Variants in CAST observed in about 807,000 individuals in gnomAD.
CAST encodes the protein MIR583 host.
Under a neutral mutation model 119.6 loss-of-function variants are expected in CAST, and 76 were observed. That is an observed-to-expected ratio of 0.64 (90% CI 0.53 to 0.77). CAST has a LOEUF of 0.77. Among genes scored for constraint, CAST ranks in the 30% least tolerant of loss-of-function variants. The probability of loss-of-function intolerance (pLI) is 0.00; values close to 1 mark genes in which losing one functional copy is unlikely to be tolerated. For synonymous variants in CAST, 319 were observed against 331.6 expected, an observed-to-expected ratio of 0.96 and a Z score of 0.41; for missense variants, 953 against 946.5, an observed-to-expected ratio of 1.01 and a Z score of -0.09.
At chr5:96,341,343 C>T in the CAST span, among the ~76,000 whole-genome samples, 1 of 148,812 alleles carries the variant, frequency 6.7e-6, no homozygotes, top group East Asian at 2.0e-4. Flanking sequence ...CCCTCCACCC[C>T]ACCCCTCCAC....
chr5:96,729,500 T>C (rs1275460769), intron 7 of CAST, 112 bp from the exon 8 acceptor site: 13 of 648,182 alleles, frequency 2.0e-5, no homozygotes, highest in African/African-American at 3.7e-5. Context: ...ACAGCACAAC[T>C]GTTATGAACA....
At chr5:96,326,660 T>G in the CAST span, among the ~76,000 whole-genome samples, 2 of 150,948 alleles carry the variant, frequency 1.3e-5, no homozygotes, top group Non-Finnish European at 1.5e-5. Context: ...CCTTTAAAAA[T>G]GTAAATTACT....
At chr5:96,768,646 T>C (rs550371866) in intron 29 of CAST, among the ~76,000 whole-genome samples, 1 of 152,352 alleles carries the variant, frequency 6.6e-6, no homozygotes, top group Non-Finnish European at 1.5e-5. Context: ...GCCACAATAA[T>C]GCTATGTCTG....
the CAST span, among the ~76,000 whole-genome samples, chr5:96,070,602 A>C: frequency 6.6e-6 from 1 of 152,202 alleles, no homozygotes; most frequent in African/African-American, 2.4e-5. Context: ...GTTGTGACCA[A>C]GGCAAGGAAA....
intron 21 of CAST, 90 bp from the exon 22 acceptor site, chr5:96,754,568 A>T: frequency 1.3e-6 from 1 of 778,260 alleles, no homozygotes; most frequent in African/African-American, 1.7e-5. Context: ...CTAATGATAG[A>T]TTTGTTTACC....
upstream of CAST, among the ~76,000 whole-genome samples, chr5:96,520,458 T>C (rs1209610506): frequency 6.6e-6 from 1 of 152,212 alleles, no homozygotes; most frequent in African/African-American, 2.4e-5. Flanking sequence ...CCAAAAGGAA[T>C]GCTTCACCTC....
the CAST span, among the ~76,000 whole-genome samples, chr5:96,003,638 C>G: frequency 6.6e-6 from 1 of 151,532 alleles, no homozygotes. Flanking sequence ...TTACAAGTAT[C>G]TTAGTTGACA....
intron 1 of CAST, among the ~76,000 whole-genome samples, chr5:96,553,520 C>T (rs980140665): frequency 9.2e-5 from 14 of 152,198 alleles, no homozygotes; most frequent in Admixed American, 2.0e-4. Flanking sequence ...TCTCTCACCA[C>T]TCCTATTCAA....
chr5:96,161,315 A>G, the CAST span, among the ~76,000 whole-genome samples: 2 of 152,122 alleles, frequency 1.3e-5, no homozygotes, highest in African/African-American at 2.4e-5. Context: ...GTCCAACTTC[A>G]TTCTTTTACA....
intron 20 of CAST, among the ~76,000 whole-genome samples, chr5:96,751,582 T>C (rs1765059634): frequency 6.6e-6 from 1 of 152,170 alleles, no homozygotes; most frequent in Non-Finnish European, 1.5e-5. Context: ...CAGGGTACTC[T>C]TCAGGTACTT....
At chr5:95,972,523 T>C in the CAST span, among the ~76,000 whole-genome samples, 1 of 152,156 alleles carries the variant, frequency 6.6e-6, no homozygotes, top group East Asian at 1.9e-4. Flanking sequence ...CATTAGTATA[T>C]ATTTTTTGTT....
intron 1 of CAST, among the ~76,000 whole-genome samples, chr5:96,637,613 C>T (rs1747902519): frequency 6.6e-6 from 1 of 152,192 alleles, no homozygotes; most frequent in Non-Finnish European, 1.5e-5. Flanking sequence ...AGATTGCTAT[C>T]ATGTTACCAA....
Position 96,590,939 on chromosome 5 carries a change from A to G in CAST, c.60+61059A>G, listed in dbSNP as rs553566618. On this transcript the variant is annotated intron_variant, in intron 1 of 11. Transcript: ENST00000505143. ...ATGCATAGAATTGTTCCACAGTTAA[A>G]CCTTTAGCAATGGCAACAGAAGGAT... Among the ~76,000 whole-genome samples the G allele has an allele frequency of 3.9e-5, 6 of 152,350 alleles. No individual in the cohort carries two copies. In the East Asian group the frequency reaches 1.2e-3, roughly 29 times the overall value.
At chr5:96,294,501 G>T in the CAST span, among the ~76,000 whole-genome samples, 1 of 152,308 alleles carries the variant, frequency 6.6e-6, no homozygotes, top group Non-Finnish European at 1.5e-5. Flanking sequence ...AAGTTGATTT[G>T]CTTTTCTCTG....
At chr5:96,430,714 A>T in the CAST span, among the ~76,000 whole-genome samples, 1 of 152,214 alleles carries the variant, frequency 6.6e-6, no homozygotes, top group Non-Finnish European at 1.5e-5. Flanking sequence ...TAATAAAATA[A>T]TTTTGTTAAG....
the CAST span, among the ~76,000 whole-genome samples, chr5:96,012,642 G>A: frequency 6.6e-6 from 1 of 152,090 alleles, no homozygotes; most frequent in Non-Finnish European, 1.5e-5. Flanking sequence ...CCTACTCTTT[G>A]CTACTTCTTA....
the CAST span, among the ~76,000 whole-genome samples, chr5:96,214,251 GA>G: frequency 6.6e-6 from 1 of 152,142 alleles, no homozygotes. Context: ...AAATAATTTT[GA>G]AGAAACATGA....
chr5:96,212,087 T>C, the CAST span, among the ~76,000 whole-genome samples: 7 of 152,110 alleles, frequency 4.6e-5, no homozygotes, highest in Admixed American at 4.6e-4. Flanking sequence ...AGGTTTTAGT[T>C]TTATTGATTT....
intron 1 of CAST, among the ~76,000 whole-genome samples, chr5:96,651,787 G>C (rs988255371): frequency 7.9e-5 from 12 of 152,194 alleles, no homozygotes; most frequent in Admixed American, 3.3e-4. Context: ...TTACAAAAAT[G>C]TGTTGATATA....
Sources: allele counts gnomAD v4.1 joint callset (sites outside exome capture counted in the v4.1 genomes callset), GRCh38; gene constraint gnomAD v4.1.1; transcripts MANE v1.5; gene names NCBI Gene and HGNC (gene_info 2026-07-23, HGNC 2026-07-21).